GRHL2: variants seen among roughly 807,000 people sequenced by gnomAD.
GRHL2 encodes the protein grainyhead-like protein 2 homolog.
GRHL2 carries 21 observed loss-of-function variants against 83.8 expected under a neutral mutation model. That is an observed-to-expected ratio of 0.25 (90% CI 0.18 to 0.36). The LOEUF (loss-of-function observed/expected upper bound fraction) is 0.36, where lower values mean the gene tolerates loss of function less well. Among genes scored for constraint, GRHL2 ranks in the 10% least tolerant of loss-of-function variants. The pLI is 1.00. For synonymous variants in GRHL2, 280 were observed against 278.9 expected, an observed-to-expected ratio of 1.00 and a Z score of -0.04; for missense variants, 623 against 781.8, an observed-to-expected ratio of 0.80 and a Z score of 2.42.
chr8:101,581,466 A>G (rs990751526), intron 7 of GRHL2, among the ~76,000 whole-genome samples: 8 of 152,186 alleles, frequency 5.3e-5, no homozygotes, highest in Non-Finnish European at 7.3e-5. Flanking sequence ...AAATAAGTTT[A>G]CATTCTGCAG....
Position 101,595,889 on chromosome 8 carries a change from G to A in GRHL2, c.1004-3168G>A, listed in dbSNP as rs577628007. Among the ~76,000 whole-genome samples the A allele has an allele frequency of 3.9e-4, 60 of 152,250 alleles. 1 individual carries two copies. Among genetic ancestry groups the A allele is most frequent in the Non-Finnish European group, 6.8e-4 (46 of 68,006 alleles). On this transcript the variant is annotated intron_variant, in intron 7 of 15. Coordinates refer to ENST00000646743, the MANE Select transcript of GRHL2 (RefSeq NM_024915.4). ...TAATCTCAGCACTTTGGGAGGCCGA[G>A]GCGGGTGGATCACGAGGTCAGGAGA...
chr8:101,597,202 A>T (rs961240077), intron 7 of GRHL2, among the ~76,000 whole-genome samples: 3 of 152,156 alleles, frequency 2.0e-5, no homozygotes, highest in Non-Finnish European at 4.4e-5. Flanking sequence ...TTATGTGATC[A>T]GTCATCAGTT....
rs142754751 is a variant in GRHL2 at position 101,495,613 on chromosome 8, T to G, written c.20+2824T>G. 5.8e-3 allele frequency among the ~76,000 whole-genome samples: 889 copies of G among 152,300 alleles called. 3 individuals carry two copies. In the Middle Eastern group the frequency reaches 0.061, roughly 10 times the overall value. On this transcript the variant is annotated intron_variant, in intron 1 of 15. Coordinates refer to ENST00000646743, the MANE Select transcript of GRHL2 (RefSeq NM_024915.4). ...GTATAAAATATATTTAGAGAACGTG[T>G]AGGTACTATGTGATTTGATACTCAC... is the stretch of plus-strand genomic sequence containing the variant.
chr8:101,527,359 A>G (rs1810829484), intron 1 of GRHL2, among the ~76,000 whole-genome samples: 1 of 152,130 alleles, frequency 6.6e-6, no homozygotes, highest in Non-Finnish European at 1.5e-5. Flanking sequence ...ATTTTACCTC[A>G]TTATTACATA....
intron 1 of GRHL2, among the ~76,000 whole-genome samples, chr8:101,516,963 T>C (rs1027564347): frequency 6.6e-6 from 1 of 152,178 alleles, no homozygotes; most frequent in African/African-American, 2.4e-5. Flanking sequence ...CTTGGTTAAA[T>C]GTTCTGGATC....
intron 8 of GRHL2, among the ~76,000 whole-genome samples, chr8:101,605,544 AC>A (rs966391781): frequency 1.3e-5 from 2 of 152,126 alleles, no homozygotes; most frequent in Non-Finnish European, 2.9e-5. Context: ...CAATCAGGCC[AC>A]CCTGCTTTTG....
intron 1 of GRHL2, among the ~76,000 whole-genome samples, chr8:101,510,052 G>A (rs73279116): frequency 0.048 from 7,296 of 152,254 alleles, 248 homozygotes; most frequent in East Asian, 0.17. Context: ...GTGCAGTGGT[G>A]TGATTTCGGC....
At chr8:101,507,470 C>A (rs1810363643) in intron 1 of GRHL2, among the ~76,000 whole-genome samples, 1 of 151,934 alleles carries the variant, frequency 6.6e-6, no homozygotes, top group Non-Finnish European at 1.5e-5. Context: ...TAACACTTTT[C>A]TACCACTCAG....
intron 1 of GRHL2, among the ~76,000 whole-genome samples, chr8:101,523,442 G>C (rs1403054268): frequency 6.7e-6 from 1 of 150,320 alleles, no homozygotes; most frequent in Admixed American, 6.7e-5. Context: ...GTCCCAGCTT[G>C]TTTCTTCAGT....
intron 7 of GRHL2, 126 bp downstream of exon 7, chr8:101,577,645 T>A: frequency 1.4e-6 from 1 of 720,976 alleles, no homozygotes; most frequent in South Asian, 1.5e-5. Context: ...CCGGCACTAG[T>A]CTATGTCAGG....
At chr8:101,628,748 A>G (rs1320057189) in intron 9 of GRHL2, among the ~76,000 whole-genome samples, 1 of 152,082 alleles carries the variant, frequency 6.6e-6, no homozygotes, top group Non-Finnish European at 1.5e-5. Context: ...AGGAGTTTGG[A>G]AGAAGTTGAT....
At chr8:101,648,612 C>T (rs777303706) in intron 13 of GRHL2, among the ~76,000 whole-genome samples, 3 of 152,170 alleles carry the variant, frequency 2.0e-5, no homozygotes, top group Non-Finnish European at 4.4e-5. Flanking sequence ...AGGCCCACAG[C>T]AGGGGTTGCA....
In GRHL2 at chr8:101,599,260, C is replaced by G. The variant is rs1478178776; in HGVS notation, c.1098+109C>G. Reference sequence around the variant, plus strand: ...TAGCCTCCTATTAAAAAGAAATGAACCTTTCATCTTTTGCCTTTGTGGAGG... The same window carrying G: ...TAGCCTCCTATTAAAAAGAAATGAAGCTTTCATCTTTTGCCTTTGTGGAGG... On this transcript the variant is annotated intron_variant, in intron 8 of 15. Coordinates refer to ENST00000646743, the MANE Select transcript of GRHL2 (RefSeq NM_024915.4). The G allele has an allele frequency of 5.1e-6, 4 of 784,474 alleles. No individual in the cohort carries two copies. In the East Asian group the frequency reaches 1.1e-4, roughly 21 times the overall value. The allele number at this position is 784,474 out of a possible 1,614,324, so 48.6% of individuals were successfully genotyped here. A position where few individuals can be genotyped will look rare whatever the true frequency, so the allele number is the denominator to read the frequency against.
intron 1 of GRHL2, among the ~76,000 whole-genome samples, chr8:101,510,694 C>T (rs1394751400): frequency 6.6e-6 from 1 of 152,176 alleles, no homozygotes; most frequent in Non-Finnish European, 1.5e-5. Flanking sequence ...ATATTTCTCT[C>T]CTACCACTTT....
At chr8:101,602,805 T>G (rs954195777) in intron 8 of GRHL2, among the ~76,000 whole-genome samples, 1 of 152,254 alleles carries the variant, frequency 6.6e-6, no homozygotes, top group East Asian at 1.9e-4. Context: ...GCAACTGATA[T>G]GCAGTTTAGC....
At chr8:101,637,163 A>AC (rs1265461134) in intron 12 of GRHL2, among the ~76,000 whole-genome samples, 1 of 152,012 alleles carries the variant, frequency 6.6e-6, no homozygotes. Context: ...CCTAAGACCC[A>AC]CCCCTTTGAA....
At chr8:101,671,033 G>T (rs977090443), downstream of GRHL2, among the ~76,000 whole-genome samples, 3 of 152,166 alleles carry the variant, frequency 2.0e-5, no homozygotes, top group Admixed American at 2.0e-4. Context: ...AAGGCACCAA[G>T]GGGGGTGGAG....
chr8:101,677,203 AAATAATAAC>A, the GRHL2 span, among the ~76,000 whole-genome samples: 5 of 148,320 alleles, frequency 3.4e-5, no homozygotes, highest in Non-Finnish European at 7.4e-5. Flanking sequence ...CCTAAAACTT[AAATAATAAC>A]AATAATAATA....
chr8:101,636,590 G>A lies in GRHL2; in HGVS notation c.1486-307G>A, dbSNP rs900268512. On this transcript the variant is annotated intron_variant, in intron 11 of 15. Transcript: ENST00000646743. Reference sequence around the variant, plus strand: ...CTCCTTAATGTCAAAAGGAAGATTTGGCTTAATGCCATAGTTAATCTAATC... The same window carrying A: ...CTCCTTAATGTCAAAAGGAAGATTTAGCTTAATGCCATAGTTAATCTAATC... Among the ~76,000 whole-genome samples, 8 of 152,086 alleles carry A rather than the reference G, an allele frequency of 5.3e-5. No homozygotes were observed. In the East Asian group the frequency reaches 1.5e-3, roughly 29 times the overall value.
Sources: gnomAD v4.1 joint callset for allele counts (sites outside exome capture counted in the v4.1 genomes callset) on GRCh38, gnomAD v4.1.1 for gene constraint, MANE v1.5 for transcripts, NCBI Gene and HGNC (gene_info 2026-07-23, HGNC 2026-07-21) for gene names.